Variants in RUNX1T1 observed in about 807,000 individuals in gnomAD.
The protein encoded by RUNX1T1 is RUNX1 partner transcriptional co-repressor 1.
In RUNX1T1, 4 loss-of-function variants were observed where a neutral mutation model predicts 62.8. That is an observed-to-expected ratio of 0.06 (90% CI 0.03 to 0.15). The LOEUF (loss-of-function observed/expected upper bound fraction) is 0.15. Ranked by LOEUF, RUNX1T1 falls within the 10% of genes least tolerant of loss-of-function variation. The pLI, the probability that RUNX1T1 is intolerant of heterozygous loss-of-function variation, is 1.00. For missense variants in RUNX1T1, 508 were observed against 754.3 expected (o/e 0.67, Z 3.82); for synonymous variants, 291 against 286.0 (o/e 1.02, Z -0.18).
exon 11 of RUNX1T1, chr8:91,960,093 C>T (rs1810092939): frequency 1.3e-6 from 1 of 775,842 alleles, no homozygotes. Flanking sequence ...CCTCAAGATA[C>T]AGTTAGGTTC....
chr8:92,015,596 T>C (rs886515440), intron 2 of RUNX1T1, among the ~76,000 whole-genome samples: 18 of 152,264 alleles, frequency 1.2e-4, no homozygotes, highest in South Asian at 6.2e-4. Flanking sequence ...AATAAGTACA[T>C]AAAAAGAAAG....
chr8:92,060,553 A>ATATATATATATATATGTGTG, intron 1 of RUNX1T1, among the ~76,000 whole-genome samples: 13 of 63,966 alleles, frequency 2.0e-4, no homozygotes, highest in South Asian at 5.4e-4. Flanking sequence ...ATATATATAT[A>ATATATATATATATATGTGTG]TGTGTGTGTG....
intron 10 of RUNX1T1, among the ~76,000 whole-genome samples, chr8:91,966,832 T>C (rs539983533): frequency 6.6e-6 from 1 of 152,304 alleles, no homozygotes; most frequent in East Asian, 1.9e-4. Context: ...TAATACCAAC[T>C]ATCAGCCTAT....
At chr8:92,079,142 T>C (rs1834861974) in intron 1 of RUNX1T1, among the ~76,000 whole-genome samples, 1 of 152,224 alleles carries the variant, frequency 6.6e-6, no homozygotes, top group South Asian at 2.1e-4. Context: ...AAATGATACA[T>C]GGTTATTCCA....
intron 1 of RUNX1T1, among the ~76,000 whole-genome samples, chr8:92,091,619 T>C (rs185642279): frequency 2.6e-3 from 389 of 152,302 alleles, no homozygotes; most frequent in African/African-American, 8.8e-3. Context: ...GAATAAACTT[T>C]TTGTACACTG....
At chr8:92,083,689 G>A (rs932200045) in intron 1 of RUNX1T1, among the ~76,000 whole-genome samples, 1 of 152,294 alleles carries the variant, frequency 6.6e-6, no homozygotes, top group Non-Finnish European at 1.5e-5. Context: ...AAGACAATGT[G>A]GCAATTCCTC....
intron 4 of RUNX1T1, 36 bp from the exon 6 acceptor site, chr8:92,005,333 A>T: frequency 6.3e-7 from 1 of 1,592,226 alleles, no homozygotes; most frequent in Non-Finnish European, 8.6e-7. Flanking sequence ...GGACGGACTG[A>T]AAGTTTTCTT....
chr8:92,069,981 C>A (rs967583854), intron 2 of RUNX1T1, among the ~76,000 whole-genome samples: 2 of 152,172 alleles, frequency 1.3e-5, no homozygotes, highest in Admixed American at 6.5e-5. Context: ...TTTCCCTTCA[C>A]TTTCCAGAGT....
upstream of RUNX1T1, among the ~76,000 whole-genome samples, chr8:92,067,257 A>T (rs1032620094): frequency 2.6e-5 from 4 of 152,240 alleles, no homozygotes; most frequent in African/African-American, 9.6e-5. Flanking sequence ...TACTGCCTCA[A>T]TCACATGCAA....
chr8:92,026,884 G>A (rs1825280106), intron 1 of RUNX1T1, among the ~76,000 whole-genome samples: 1 of 151,190 alleles, frequency 6.6e-6, no homozygotes, highest in Admixed American at 6.6e-5. Context: ...TTGGGAGGCC[G>A]AGACGGGCGG....
Position 91,959,450 on chromosome 8 carries a change from G to GTATATA in RUNX1T1, c.*791_*792insTATATA, listed in dbSNP as rs1241633252. 50 of 147,506 alleles carry GTATATA rather than the reference G, an allele frequency of 3.4e-4. 1 individual carries two copies. The highest frequency in any genetic ancestry group is 7.6e-4 in the Admixed American group (9 of 11,920). The allele number at this position is 147,506 out of a possible 1,614,324, so 9.1% of individuals were successfully genotyped here. On this transcript the variant is annotated 3_prime_UTR_variant, in exon 11 of 11. Transcript: ENST00000396218. ...TGTGTGTGTGTGTGTGTGTGTGTGT[G>GTATATA]TGTGTGTGTGTGTGTGTATATGTGC...
chr8:92,066,391 G>A (rs1832880846), upstream of RUNX1T1, among the ~76,000 whole-genome samples: 1 of 152,186 alleles, frequency 6.6e-6, no homozygotes, highest in African/African-American at 2.4e-5. Flanking sequence ...TGGGCGAGTG[G>A]TAAAAAATAA....
At chr8:92,009,659 A>C (rs1482169566) in intron 4 of RUNX1T1, 1 of 149,658 alleles carries the variant, frequency 6.7e-6, no homozygotes, top group African/African-American at 2.5e-5. Flanking sequence ...AATGGCATTC[A>C]TATGATGAAA....
chr8:91,968,998 G>T (rs1439784111), intron 10 of RUNX1T1, among the ~76,000 whole-genome samples: 1 of 151,874 alleles, frequency 6.6e-6, no homozygotes, highest in Admixed American at 6.6e-5. Context: ...ACCATGGTCT[G>T]CTTTAAAATT....
chr8:92,019,811 A>G (rs2131195722), intron 1 of RUNX1T1, among the ~76,000 whole-genome samples: 1 of 151,316 alleles, frequency 6.6e-6, no homozygotes, highest in Non-Finnish European at 1.5e-5. Context: ...TTTTGATTTG[A>G]AAACATCTGA....
intron 8 of RUNX1T1, among the ~76,000 whole-genome samples, chr8:91,981,256 G>A (rs1815179013): frequency 6.6e-6 from 1 of 151,960 alleles, no homozygotes; most frequent in Non-Finnish European, 1.5e-5. Context: ...ATTTCCCGGG[G>A]ATTTAGAGAG....
chr8:92,031,721 C>T (rs963726308), intron 1 of RUNX1T1, among the ~76,000 whole-genome samples: 1 of 152,096 alleles, frequency 6.6e-6, no homozygotes, highest in African/African-American at 2.4e-5. Flanking sequence ...CCTCCTGCCT[C>T]GGCCTTCCAA....
intron 10 of RUNX1T1, among the ~76,000 whole-genome samples, chr8:91,964,314 T>C (rs576063472): frequency 6.6e-6 from 1 of 152,186 alleles, no homozygotes; most frequent in Non-Finnish European, 1.5e-5. Flanking sequence ...GGACAAAATA[T>C]CTTTTATTTT....
chr8:92,102,975 G>A (rs1161944136), upstream of RUNX1T1: 12 of 1,412,792 alleles, frequency 8.5e-6, no homozygotes, highest in Admixed American at 2.4e-5. The surrounding 1 kb of genome is among the most constrained non-coding windows in gnomAD (Gnocchi z 4.5). Flanking sequence ...GGCTTCCCTC[G>A]CGAGGCCAGA....
Sources: gnomAD v4.1 joint callset for allele counts (sites outside exome capture counted in the v4.1 genomes callset) on GRCh38, gnomAD v4.1.1 for gene constraint, Gnocchi (gnomAD v3.1) non-coding constraint, MANE v1.5 for transcripts, NCBI Gene and HGNC (gene_info 2026-07-23, HGNC 2026-07-21) for gene names.